The following CADPS variants were observed in gnomAD, a reference collection of about 807,000 sequenced individuals.
CADPS encodes the protein calcium-dependent secretion activator 1.
CADPS carries 57 observed loss-of-function variants against 167.3 expected under a neutral mutation model. The observed-to-expected ratio is 0.34, with a 90% CI of 0.28 to 0.42. The LOEUF (loss-of-function observed/expected upper bound fraction) is 0.42, where lower values mean the gene tolerates loss of function less well. Ranked by LOEUF, CADPS falls within the 20% of genes least tolerant of loss-of-function variation. The pLI is 1.00. For synonymous variants in CADPS, 676 were observed against 635.3 expected (o/e 1.06, Z -0.96); for missense variants, 1,414 against 1,738.1 (o/e 0.81, Z 3.32).
Position 62,478,194 on chromosome 3 carries a change from C to G in CADPS, c.3329+67G>C. On this transcript the variant is annotated intron_variant, in intron 23 of 29. Transcript: ENST00000383710. The surrounding 1 kb of genome is among the most constrained non-coding windows in gnomAD (Gnocchi z 5.7). The stretch of plus-strand genomic sequence containing the variant: ...TACAGCCAATTGAAAGAGCAGCCAT[C>G]TACCCTTCCCTGAGTCTGTGTATGG... 3.3e-6 allele frequency: 5 copies of G among 1,537,744 alleles called. No homozygotes were observed. The highest frequency in any genetic ancestry group is 4.5e-6 in the Non-Finnish European group (5 of 1,117,382).
chr3:62,626,302 C>T, intron 6 of CADPS: 2 of 442,540 alleles, frequency 4.5e-6, no homozygotes, highest in Non-Finnish European at 3.9e-6. Flanking sequence ...ATTACTAATT[C>T]CATCTTTCTC....
intron 8 of CADPS, among the ~76,000 whole-genome samples, chr3:62,579,602 G>A (rs1458135586): frequency 6.6e-6 from 1 of 152,124 alleles, no homozygotes; most frequent in Non-Finnish European, 1.5e-5. Flanking sequence ...GGGTGAAAGG[G>A]AAAGGAAACA....
chr3:62,782,578 T>A (rs2091840547), intron 1 of CADPS, among the ~76,000 whole-genome samples: 1 of 152,012 alleles, frequency 6.6e-6, no homozygotes, highest in African/African-American at 2.4e-5. Flanking sequence ...GCTTCATGAG[T>A]CAGATTTGGC....
intron 1 of CADPS, among the ~76,000 whole-genome samples, chr3:62,837,628 A>T (rs1007060600): frequency 3.3e-5 from 5 of 152,202 alleles, no homozygotes; most frequent in Non-Finnish European, 7.3e-5. Flanking sequence ...ACAATGAATT[A>T]TCTGGTGACC....
At chr3:62,479,822 A>C (rs2061759165) in intron 22 of CADPS, among the ~76,000 whole-genome samples, 2 of 152,222 alleles carry the variant, frequency 1.3e-5, no homozygotes, top group Admixed American at 6.5e-5. Flanking sequence ...TACTGCCGTG[A>C]GCATTGTTCA....
intron 1 of CADPS, among the ~76,000 whole-genome samples, chr3:62,776,526 C>T (rs147046442): frequency 0.05 from 7,553 of 152,104 alleles, 560 homozygotes; most frequent in African/African-American, 0.16. Flanking sequence ...TGGTGGCGGG[C>T]GCCTGTAGTC....
At chr3:62,605,731 C>T (rs1003961124) in intron 6 of CADPS, among the ~76,000 whole-genome samples, 10 of 152,170 alleles carry the variant, frequency 6.6e-5, no homozygotes, top group African/African-American at 2.4e-4. Flanking sequence ...TCCTAGCTTT[C>T]TTTTGTGAGG....
intron 3 of CADPS, among the ~76,000 whole-genome samples, chr3:62,710,264 T>C (rs994431282): frequency 2.0e-5 from 3 of 151,284 alleles, no homozygotes; most frequent in Admixed American, 1.3e-4. Flanking sequence ...GGATGCACGC[T>C]GGCCTCAACT....
chr3:62,565,115 C>T (rs906841801), intron 9 of CADPS, among the ~76,000 whole-genome samples: 205 of 152,232 alleles, frequency 1.3e-3, no homozygotes, highest in Middle Eastern at 6.8e-3. Context: ...ATTAGAGTTA[C>T]TAACAGTAGT....
At chr3:62,650,525 A>G (rs1344378899) in intron 5 of CADPS, among the ~76,000 whole-genome samples, 1 of 152,234 alleles carries the variant, frequency 6.6e-6, no homozygotes, top group Non-Finnish European at 1.5e-5. Flanking sequence ...TGCCTCTCTT[A>G]TAACTGTAAA....
At position 62,465,415 on chromosome 3, in the gene CADPS, T is replaced by A; in HGVS notation, c.3588A>T (p.Leu1196Phe). The change falls in exon 26 of 30, where the codon TTA becomes TTT. Residue 1196 changes from leucine to phenylalanine, a missense_variant. By Grantham distance (22) the Leu-to-Phe change is conservative. Coordinates refer to ENST00000383710, the MANE Select transcript of CADPS (RefSeq NM_003716.4). This position sits in a 1 kb window ranked among gnomAD's most constrained non-coding sequence, Gnocchi z 4.1. ...VTILEGVLAK[L>F]SRYDEGTLFS... ...ACAAAGTCCCTTCGTCATATCTGGA[T>A]AATTTTGCCAGCACTCCTTCCAAGA... The A allele has an allele frequency of 6.2e-7, 1 of 1,610,704 alleles. No homozygotes were observed. The highest frequency in any genetic ancestry group is 8.5e-7 in the Non-Finnish European group (1 of 1,178,642).
chr3:62,518,110 T>C (rs377589200), intron 14 of CADPS, 39 bp downstream of exon 14: 4 of 1,400,334 alleles, frequency 2.9e-6, no homozygotes, highest in Non-Finnish European at 4.0e-6. Flanking sequence ...CTTCCCACTC[T>C]CATCTCCTAA....
chr3:62,817,137 A>C (rs1357434400), intron 1 of CADPS, among the ~76,000 whole-genome samples: 3 of 152,152 alleles, frequency 2.0e-5, no homozygotes, highest in Non-Finnish European at 4.4e-5. Flanking sequence ...TCTCTATTAC[A>C]TGAAGAATCA....
chr3:62,836,289 A>C (rs539493971), intron 1 of CADPS, among the ~76,000 whole-genome samples: 1 of 152,200 alleles, frequency 6.6e-6, no homozygotes, highest in Non-Finnish European at 1.5e-5. Flanking sequence ...CAAAAACCTA[A>C]GCTAAAATAT....
At chr3:62,621,399 C>A (rs2063148910) in intron 6 of CADPS, among the ~76,000 whole-genome samples, 1 of 152,056 alleles carries the variant, frequency 6.6e-6, no homozygotes, top group South Asian at 2.1e-4. Context: ...TCCCAGTGAG[C>A]AAAGCTCTCC....
chr3:62,501,636 A>G (rs888577734), intron 17 of CADPS, among the ~76,000 whole-genome samples: 3 of 152,216 alleles, frequency 2.0e-5, no homozygotes, highest in Non-Finnish European at 2.9e-5. Context: ...TTAAAAATAG[A>G]GAGCTTTGTC....
At chr3:62,715,904 C>T (rs1434563581) in intron 3 of CADPS, among the ~76,000 whole-genome samples, 1 of 150,840 alleles carries the variant, frequency 6.6e-6, no homozygotes, top group Non-Finnish European at 1.5e-5. Context: ...CGCCACCACA[C>T]CTGGCTAATT....
At chr3:62,747,730 A>C (rs1476064330) in intron 3 of CADPS, among the ~76,000 whole-genome samples, 2 of 151,944 alleles carry the variant, frequency 1.3e-5, no homozygotes, top group Non-Finnish European at 2.9e-5. Flanking sequence ...TATCTGAAAA[A>C]CCTCTAGAAA....
intron 9 of CADPS, among the ~76,000 whole-genome samples, chr3:62,567,061 G>T (rs1386400230): frequency 1.3e-5 from 2 of 152,096 alleles, no homozygotes; most frequent in Non-Finnish European, 2.9e-5. Flanking sequence ...CTAAACACCT[G>T]TGTTCCCGTT....
Sources: gnomAD v4.1 joint callset for allele counts (sites outside exome capture counted in the v4.1 genomes callset) on GRCh38, gnomAD v4.1.1 for gene constraint, Gnocchi (gnomAD v3.1) non-coding constraint, MANE v1.5 for transcripts, NCBI Gene and HGNC (gene_info 2026-07-23, HGNC 2026-07-21) for gene names.